The following LUZP2 variants were observed in gnomAD, a reference collection of about 807,000 sequenced individuals.
LUZP2 encodes leucine zipper protein 2.
In LUZP2, 52 loss-of-function variants were observed where a neutral mutation model predicts 51.6. The observed-to-expected ratio is 1.01, with a 90% confidence interval of 0.81 to 1.27. The LOEUF is 1.27. Among genes scored for constraint, LUZP2 ranks in the 50% most tolerant of loss-of-function variants. The probability of loss-of-function intolerance (pLI) is 0.00; values close to 1 mark genes in which losing one functional copy is unlikely to be tolerated. For synonymous variants in LUZP2, 154 were observed against 137.3 expected, an observed-to-expected ratio of 1.12 and a Z score of -0.85; for missense variants, 436 against 395.4, an observed-to-expected ratio of 1.10 and a Z score of -0.87.
intron 1 of LUZP2, among the ~76,000 whole-genome samples, chr11:24,527,567 T>TCACA (rs1554948856): frequency 0.023 from 3,071 of 131,556 alleles, 45 homozygotes; most frequent in Non-Finnish European, 0.036. Flanking sequence ...TCTCTCTCTC[T>TCACA]CACACACACA....
intron 5 of LUZP2, among the ~76,000 whole-genome samples, chr11:24,870,464 A>G (rs1852027313): frequency 8.0e-6 from 1 of 125,236 alleles, no homozygotes; most frequent in African/African-American, 3.1e-5. Flanking sequence ...TGAGCACACC[A>G]GTTCCTACAC....
chr11:25,046,508 A>C (rs1858316691), intron 9 of LUZP2, among the ~76,000 whole-genome samples: 1 of 152,148 alleles, frequency 6.6e-6, no homozygotes, highest in South Asian at 2.1e-4. Context: ...TAATCCTAAA[A>C]AAATCATAAA....
chr11:24,678,670 G>A (rs1856642675), intron 1 of LUZP2, among the ~76,000 whole-genome samples: 2 of 152,100 alleles, frequency 1.3e-5, no homozygotes, highest in Admixed American at 6.5e-5. Flanking sequence ...ATTAAAGCAG[G>A]TCCTTAGGTA....
intron 1 of LUZP2, among the ~76,000 whole-genome samples, chr11:24,501,868 G>C (rs919685953): frequency 5.3e-5 from 8 of 152,192 alleles, no homozygotes; most frequent in African/African-American, 1.7e-4. Flanking sequence ...AAGTGTGAAT[G>C]AAGCAAAGAG....
chr11:24,525,232 A>C (rs1358963987), intron 1 of LUZP2, among the ~76,000 whole-genome samples: 11 of 151,684 alleles, frequency 7.3e-5, no homozygotes, highest in Admixed American at 5.9e-4. Flanking sequence ...TATTTTTTAA[A>C]ATAGTGCTAA....
At chr11:24,669,761 C>CA (rs1353246055) in intron 1 of LUZP2, among the ~76,000 whole-genome samples, 1 of 151,988 alleles carries the variant, frequency 6.6e-6, no homozygotes, top group Non-Finnish European at 1.5e-5. Context: ...GCAAAATAGG[C>CA]ACCTGGTCTC....
chr11:24,625,105 T>G (rs1854632745), intron 1 of LUZP2, among the ~76,000 whole-genome samples: 1 of 152,090 alleles, frequency 6.6e-6, no homozygotes, highest in Non-Finnish European at 1.5e-5. Flanking sequence ...AAATACTGCA[T>G]AACCTCACTT....
chr11:24,654,948 T>C (rs1855756946), intron 1 of LUZP2, among the ~76,000 whole-genome samples: 1 of 152,178 alleles, frequency 6.6e-6, no homozygotes, highest in African/African-American at 2.4e-5. Context: ...TTTGTTTGGA[T>C]ACTTAGACTA....
chr11:24,737,546 T>A (rs1858989372), intron 3 of LUZP2, among the ~76,000 whole-genome samples: 1 of 151,846 alleles, frequency 6.6e-6, no homozygotes, highest in Admixed American at 6.6e-5. Flanking sequence ...GTGTTATAAA[T>A]AAATAAATCC....
intron 5 of LUZP2, among the ~76,000 whole-genome samples, chr11:24,848,688 C>G (rs1279615918): frequency 6.6e-6 from 1 of 152,078 alleles, no homozygotes; most frequent in Non-Finnish European, 1.5e-5. Context: ...CCTACAGTTG[C>G]CTGTTAGAGT....
Position 24,920,430 on chromosome 11 carries a change from C to T in LUZP2, c.522+5892C>T, listed in dbSNP as rs190574576. 2.0e-5 allele frequency among the ~76,000 whole-genome samples: 3 copies of T among 152,054 alleles called. No homozygotes were observed. The East Asian group carries it at 5.8e-4, about 29-fold the overall frequency. Reference sequence around the variant, plus strand: ...TTTGAACAAAATTTAACTCAGCAATCTCACTGTTGGGTATCTACTCCCCCA... The same window carrying T: ...TTTGAACAAAATTTAACTCAGCAATTTCACTGTTGGGTATCTACTCCCCCA... On this transcript the variant is annotated intron_variant, in intron 7 of 11. Transcript: ENST00000336930.
intron 1 of LUZP2, among the ~76,000 whole-genome samples, chr11:24,612,550 G>T (rs1362970967): frequency 6.6e-6 from 1 of 152,032 alleles, no homozygotes; most frequent in Non-Finnish European, 1.5e-5. Flanking sequence ...TCTTTCTGAA[G>T]TATGGTTTGG....
chr11:24,710,574 A>G (rs2133929300), intron 1 of LUZP2, among the ~76,000 whole-genome samples: 1 of 152,318 alleles, frequency 6.6e-6, no homozygotes, highest in African/African-American at 2.4e-5. Flanking sequence ...TGCCAATACA[A>G]TAGCAAGCTC....
intron 5 of LUZP2, among the ~76,000 whole-genome samples, chr11:24,805,172 G>A (rs1415021907): frequency 6.6e-6 from 1 of 152,082 alleles, no homozygotes; most frequent in Admixed American, 6.6e-5. Context: ...GGAGGAGCAA[G>A]TCACATCTTA....
chr11:24,710,544 A>G (rs1565091577), intron 1 of LUZP2, among the ~76,000 whole-genome samples: 1 of 152,176 alleles, frequency 6.6e-6, no homozygotes, highest in African/African-American at 2.4e-5. Context: ...TTTCTCTGTG[A>G]TTAATGGTCT....
chr11:24,831,641 T>G (rs1256165577), intron 5 of LUZP2, among the ~76,000 whole-genome samples: 1 of 152,172 alleles, frequency 6.6e-6, no homozygotes, highest in Non-Finnish European at 1.5e-5. Flanking sequence ...AAACACAAAC[T>G]TGATTGCTAT....
intron 1 of LUZP2, among the ~76,000 whole-genome samples, chr11:24,702,221 T>G (rs1857440285): frequency 2.0e-5 from 3 of 152,202 alleles, no homozygotes; most frequent in Admixed American, 2.0e-4. Context: ...ACTCCAAATT[T>G]TAACCAGGAA....
chr11:25,028,860 A>G (rs989628478), intron 9 of LUZP2, among the ~76,000 whole-genome samples: 4 of 152,138 alleles, frequency 2.6e-5, no homozygotes, highest in Admixed American at 1.3e-4. Flanking sequence ...ACAGTATTTT[A>G]TATTCTTTAA....
At position 25,049,129 on chromosome 11, in the gene LUZP2, G is replaced by A. The variant is rs140472357; in HGVS notation, c.766-909G>A. On this transcript the variant is annotated intron_variant, in intron 9 of 11. Transcript: ENST00000336930. ...AGCGCAGGTAAAAATACCTGGGTGA[G>A]ATTTGACTACTCTCTCCAGACCCTG... Among the ~76,000 whole-genome samples, 442 of 152,276 alleles carry A rather than the reference G, an allele frequency of 2.9e-3. 1 individual carries two copies. Among genetic ancestry groups the A allele is most frequent in the African/African-American group, 9.8e-3 (407 of 41,562 alleles).
Sources: allele counts gnomAD v4.1 joint callset (sites outside exome capture counted in the v4.1 genomes callset), GRCh38; gene constraint gnomAD v4.1.1; transcripts MANE v1.5; gene names NCBI Gene and HGNC (gene_info 2026-07-23, HGNC 2026-07-21).